The following HSD17B3 variants were observed in gnomAD, a reference collection of about 807,000 sequenced individuals.
HSD17B3 encodes 17-beta-hydroxysteroid dehydrogenase type 3.
Under a neutral mutation model 41.1 loss-of-function variants are expected in HSD17B3, and 29 were observed. That is an observed-to-expected ratio of 0.71 (90% CI 0.53 to 0.96). The LOEUF (loss-of-function observed/expected upper bound fraction) is 0.96, where lower values mean the gene tolerates loss of function less well. Ranked by LOEUF, HSD17B3 falls within the 40% of genes least tolerant of loss-of-function variation. The probability of loss-of-function intolerance (pLI) is 0.00; values close to 1 mark genes in which losing one functional copy is unlikely to be tolerated. For synonymous variants in HSD17B3, 126 were observed against 145.6 expected (o/e 0.87, Z 0.97); for missense variants, 323 against 374.6 (o/e 0.86, Z 1.14).
In HSD17B3 at chr9:96,235,565, G is replaced by A. The variant is rs1197161601; in HGVS notation, c.828C>T (p.Gly276=). The change falls in exon 11 of 11, where the codon GGC becomes GGT. Residue 276 remains glycine, a synonymous_variant. Coordinates refer to ENST00000375263, the MANE Select transcript of HSD17B3 (RefSeq NM_000197.2). ...CCCAGGCCGGGATCAGGCTCAGAAA[G>A]CCCGCCTTAAACAGAGAGAAGCATC... is the stretch of plus-strand genomic sequence containing the variant. The part of the protein sequence containing the change: ...CGCLAHEILA[G]FLSLIPAWAF... The A allele has an allele frequency of 1.2e-5, 19 of 1,613,632 alleles. No individual in the cohort carries two copies. Among genetic ancestry groups the A allele is most frequent in the Non-Finnish European group, 1.6e-5 (19 of 1,179,742 alleles).
chr9:96,241,961 A>AAAAGAAAGAAAGAAAGAAAGAATG (rs1836459797), intron 9 of HSD17B3, among the ~76,000 whole-genome samples: 2 of 100,698 alleles, frequency 2.0e-5, no homozygotes, highest in Non-Finnish European at 3.7e-5. Flanking sequence ...AAAGAACAGA[A>AAAAGAAAGAAAGAAAGAAAGAATG]AAAGAAAGAA....
chr9:96,236,915 G>A (rs1412447094), intron 10 of HSD17B3, among the ~76,000 whole-genome samples: 1 of 152,124 alleles, frequency 6.6e-6, no homozygotes, highest in Admixed American at 6.5e-5. Context: ...TCCAACCAGA[G>A]GAAAACTTGA....
intron 9 of HSD17B3, among the ~76,000 whole-genome samples, chr9:96,242,824 T>A (rs1230323396): frequency 6.6e-6 from 1 of 152,214 alleles, no homozygotes; most frequent in African/African-American, 2.4e-5. Flanking sequence ...AGCAGGTGGC[T>A]GCGATGATCA....
intron 1 of HSD17B3, among the ~76,000 whole-genome samples, chr9:96,299,101 T>C (rs1213562605): frequency 6.6e-6 from 1 of 152,252 alleles, no homozygotes; most frequent in Non-Finnish European, 1.5e-5. Flanking sequence ...AGTCCTTTCA[T>C]ATCAACATTA....
chr9:96,256,357 G>A (rs891465201), intron 2 of HSD17B3: 16 of 152,098 alleles, frequency 1.1e-4, no homozygotes, highest in African/African-American at 3.6e-4. Context: ...TTATAGGCTG[G>A]GCACGGTGGC....
intron 2 of HSD17B3, among the ~76,000 whole-genome samples, chr9:96,286,550 C>T (rs887245805): frequency 2.6e-5 from 4 of 150,986 alleles, no homozygotes; most frequent in African/African-American, 9.7e-5. Context: ...TTTAGCCATG[C>T]ATGGTGGCAC....
At chr9:96,289,438 TTC>T (rs897553762) in intron 2 of HSD17B3, among the ~76,000 whole-genome samples, 5 of 152,174 alleles carry the variant, frequency 3.3e-5, no homozygotes, top group Admixed American at 2.6e-4. Flanking sequence ...TCCCCAAGTC[TTC>T]TCTCTTGTTC....
In HSD17B3 at chr9:96,290,253, G is replaced by A. The variant is rs558682093; in HGVS notation, c.201+8163C>T. On this transcript the variant is annotated intron_variant, in intron 2 of 10. Transcript: ENST00000375263. ...CAAAGCCTCTCCTGCCACTCTAAAT[G>A]TAAACGCAGATTCGGTTAAATGCAG... 3.5e-4 allele frequency among the ~76,000 whole-genome samples: 53 copies of A among 152,130 alleles called. No individual in the cohort carries two copies. In the South Asian group the frequency reaches 0.011, roughly 31 times the overall value.
At position 96,240,897 on chromosome 9, in the gene HSD17B3, G is replaced by A; in HGVS notation, c.683C>T (p.Pro228Leu). The A allele has an allele frequency of 6.2e-7, 1 of 1,614,120 alleles. No individual in the cohort carries two copies. The highest frequency in any genetic ancestry group is 1.3e-5 in the African/African-American group (1 of 75,022). The change falls in exon 10 of 11, where the codon CCA (proline) becomes CTA (leucine). Residue 228 changes from proline (P) to leucine (L), a missense_variant. By Grantham distance (98) the Pro-to-Leu change is moderately conservative. Coordinates refer to ENST00000375263, the MANE Select transcript of HSD17B3 (RefSeq NM_000197.2). ...AKEVIIQVLT[P>L]YAVSTAMTKY... ...TGTCATTGCAGTCGAGACAGCATAT[G>A]GGGTCAGCACCTACAACGGGAAACA...
At chr9:96,298,574 G>T in intron 1 of HSD17B3, 112 bp from the exon 2 acceptor site, 1 of 878,912 alleles carries the variant, frequency 1.1e-6, no homozygotes. Context: ...TACTCCAAAG[G>T]TTCATCCCTT....
chr9:96,270,957 G>A (rs906321231), intron 2 of HSD17B3, among the ~76,000 whole-genome samples: 2 of 148,032 alleles, frequency 1.4e-5, no homozygotes, highest in South Asian at 2.3e-4. Context: ...TCCTCTCGGG[G>A]GGGGGGGTTA....
Position 96,244,296 on chromosome 9 carries a change from T to C in HSD17B3, c.672+33A>G, listed in dbSNP as rs2066486. ...CTCACAGCCGCCCACCTCACCTGGA[T>C]GATGACAAGGACTCCACAGCTGCCC... On this transcript the variant is annotated intron_variant, in intron 9 of 10. Transcript: ENST00000375263. The C allele has an allele frequency of 0.26, 413,434 of 1,608,480 alleles. 56,594 individuals are homozygous for C. The highest frequency in any genetic ancestry group is 0.34 in the Middle Eastern group (2,073 of 6,054).
At chr9:96,301,926 A>AG in intron 1 of HSD17B3, 25 bp downstream of exon 1, 1 of 1,613,012 alleles carries the variant, frequency 6.2e-7, no homozygotes, top group Non-Finnish European at 8.5e-7. Context: ...GCAGCAAAAA[A>AG]ACATGAGATG....
At chr9:96,275,636 C>T (rs1826423035) in intron 2 of HSD17B3, among the ~76,000 whole-genome samples, 1 of 150,254 alleles carries the variant, frequency 6.7e-6, no homozygotes, top group Non-Finnish European at 1.5e-5. Context: ...GAGGGGAGAA[C>T]AAAAGTGTGG....
chr9:96,272,034 T>C (rs1250894917), intron 2 of HSD17B3, among the ~76,000 whole-genome samples: 1 of 151,954 alleles, frequency 6.6e-6, no homozygotes, highest in Non-Finnish European at 1.5e-5. Context: ...AAAGAGATGG[T>C]GGCCTTAGTC....
intron 3 of HSD17B3, among the ~76,000 whole-genome samples, chr9:96,253,455 C>A (rs984650684): frequency 6.6e-6 from 1 of 152,188 alleles, no homozygotes; most frequent in Non-Finnish European, 1.5e-5. Flanking sequence ...ATTCACAGAG[C>A]ATTTACATAC....
Position 96,246,573 on chromosome 9 carries a change from C to T in HSD17B3, c.507G>A (p.Leu169=). The T allele has an allele frequency of 6.2e-7, 1 of 1,614,120 alleles. No homozygotes were observed. Among genetic ancestry groups the T allele is most frequent in the Non-Finnish European group, 8.5e-7 (1 of 1,180,028 alleles). The part of the protein sequence containing the change: ...TSVVKMTQLI[L]KHMESRQKGL... The stretch of plus-strand genomic sequence containing the variant: ...GGCCTTACCTTGATTCCATATGTTT[C>T]AGAATTAGCTGTGTCATCTACAAGA... The change falls in exon 7 of 11, where the codon CTG becomes CTA. Residue 169 remains leucine, a synonymous_variant. Coordinates refer to ENST00000375263, the MANE Select transcript of HSD17B3 (RefSeq NM_000197.2).
chr9:96,261,206 C>T (rs1045021288), intron 2 of HSD17B3, among the ~76,000 whole-genome samples: 8 of 24,832 alleles, frequency 3.2e-4, no homozygotes, highest in African/African-American at 1.4e-3. Flanking sequence ...GACGATGGAG[C>T]CTTCTGCTGC....
At chr9:96,280,142 G>A (rs1421381944) in intron 2 of HSD17B3, among the ~76,000 whole-genome samples, 3 of 152,178 alleles carry the variant, frequency 2.0e-5, no homozygotes, top group African/African-American at 7.2e-5. Flanking sequence ...AAGGGAGGAG[G>A]CCGTAATGAG....
Sources: allele counts gnomAD v4.1 joint callset (sites outside exome capture counted in the v4.1 genomes callset), GRCh38; gene constraint gnomAD v4.1.1; transcripts MANE v1.5; gene names NCBI Gene and HGNC (gene_info 2026-07-23, HGNC 2026-07-21).